UMAD1: variants seen among roughly 807,000 people sequenced by gnomAD.
UMAD1 encodes UBAP1-MVB12-associated (UMA)-domain containing protein 1.
UMAD1 carries 8 observed loss-of-function variants against 6.1 expected under a neutral mutation model. That is an observed-to-expected ratio of 1.30 (90% CI 0.76 to 2.35). The LOEUF (loss-of-function observed/expected upper bound fraction) is 2.35. Among genes scored for constraint, UMAD1 ranks in the 30% most tolerant of loss-of-function variants. The pLI, the probability that UMAD1 is intolerant of heterozygous loss-of-function variation, is 0.00. For missense variants in UMAD1, 130 were observed against 78.4 expected, an observed-to-expected ratio of 1.66 and a Z score of -2.49; for synonymous variants, 56 against 31.4, an observed-to-expected ratio of 1.78 and a Z score of -2.61.
chr7:7,701,182 G>C lies in UMAD1; in HGVS notation c.82+27729G>C, dbSNP rs567030138. 2.6e-5 allele frequency among the ~76,000 whole-genome samples: 4 copies of C among 152,250 alleles called. No homozygotes were observed. In the South Asian group the frequency reaches 8.3e-4, roughly 32 times the overall value. The stretch of plus-strand genomic sequence containing the variant: ...TCTTGTAGAGGAAGATGTGTGAGGA[G>C]GAATGGAATCTATCATACCTATTTA... On this transcript the variant is annotated intron_variant, in intron 2 of 3. Transcript: ENST00000682710.
chr7:7,873,457 G>T (rs1563277571), intron 3 of UMAD1, among the ~76,000 whole-genome samples: 1 of 152,284 alleles, frequency 6.6e-6, no homozygotes, highest in African/African-American at 2.4e-5. Flanking sequence ...AGGATAATTA[G>T]CATGGTGAGT....
chr7:7,678,357 A>T (rs1351488423), intron 2 of UMAD1, among the ~76,000 whole-genome samples: 1 of 149,454 alleles, frequency 6.7e-6, no homozygotes, highest in African/African-American at 2.5e-5. Context: ...ACGTTTTTTT[A>T]ATATGCCTAT....
At chr7:7,691,694 AC>A (rs1171822053) in intron 2 of UMAD1, among the ~76,000 whole-genome samples, 3 of 152,112 alleles carry the variant, frequency 2.0e-5, no homozygotes, top group African/African-American at 7.2e-5. Context: ...CATTTTAGTG[AC>A]CCTTTTTTGT....
chr7:7,723,444 C>T (rs1364994372), intron 2 of UMAD1, among the ~76,000 whole-genome samples: 1 of 152,090 alleles, frequency 6.6e-6, no homozygotes, highest in Non-Finnish European at 1.5e-5. Context: ...CCACTATGAG[C>T]GAGCTGGAAA....
intron 2 of UMAD1, among the ~76,000 whole-genome samples, chr7:7,702,778 C>T (rs1268396538): frequency 5.3e-5 from 8 of 150,574 alleles, no homozygotes; most frequent in Non-Finnish European, 1.2e-4. Flanking sequence ...TGCCAGTGGC[C>T]TGGGTTTTTG....
chr7:7,693,913 G>A (rs1026957231), intron 2 of UMAD1, among the ~76,000 whole-genome samples: 1 of 151,962 alleles, frequency 6.6e-6, no homozygotes, highest in South Asian at 2.1e-4. Context: ...TCTTAAAATG[G>A]CAATTATTAA....
At chr7:7,825,738 A>C (rs1451908621) in intron 3 of UMAD1, among the ~76,000 whole-genome samples, 2 of 152,162 alleles carry the variant, frequency 1.3e-5, no homozygotes, top group South Asian at 4.1e-4. Flanking sequence ...TACAGTACCA[A>C]GGAAAAAGGT....
At chr7:7,655,040 G>A (rs1378245696) in intron 1 of UMAD1, among the ~76,000 whole-genome samples, 1 of 152,080 alleles carries the variant, frequency 6.6e-6, no homozygotes, top group African/African-American at 2.4e-5. Context: ...AGTAATTCTG[G>A]ATTATGTAAT....
At chr7:7,737,611 T>C (rs1781386352) in intron 2 of UMAD1, among the ~76,000 whole-genome samples, 2 of 152,232 alleles carry the variant, frequency 1.3e-5, no homozygotes, top group South Asian at 2.1e-4. Context: ...TGACAGTTTA[T>C]GTATTTTGGG....
chr7:7,841,948 T>A (rs1377456036), intron 3 of UMAD1, among the ~76,000 whole-genome samples: 1 of 152,236 alleles, frequency 6.6e-6, no homozygotes, highest in East Asian at 1.9e-4. Context: ...TGATATGGGA[T>A]GCCATACACT....
intron 1 of UMAD1, among the ~76,000 whole-genome samples, chr7:7,643,609 G>T (rs1785025143): frequency 6.6e-6 from 1 of 152,096 alleles, no homozygotes. Flanking sequence ...CTACTCGGGA[G>T]GCTGAGGCAG....
intron 3 of UMAD1, among the ~76,000 whole-genome samples, chr7:7,850,728 C>T (rs1397985732): frequency 6.7e-6 from 1 of 150,316 alleles, no homozygotes; most frequent in Non-Finnish European, 1.5e-5. Context: ...GATGGAAGAG[C>T]TTGATATTTT....
chr7:7,869,263 G>A (rs997195792), intron 3 of UMAD1, among the ~76,000 whole-genome samples: 1 of 138,286 alleles, frequency 7.2e-6, no homozygotes, highest in African/African-American at 2.7e-5. Flanking sequence ...ACCAGCTGAA[G>A]CCAGAATAGA....
At chr7:7,743,949 A>T (rs1396491767) in intron 2 of UMAD1, among the ~76,000 whole-genome samples, 1 of 152,100 alleles carries the variant, frequency 6.6e-6, no homozygotes, top group Admixed American at 6.5e-5. Flanking sequence ...CATAACATTA[A>T]CGTAAAGTGT....
chr7:7,874,510 T>A (rs1784382299), intron 3 of UMAD1, among the ~76,000 whole-genome samples: 1 of 152,188 alleles, frequency 6.6e-6, no homozygotes, highest in Non-Finnish European at 1.5e-5. Context: ...ACTGTATGAT[T>A]GCATTCATTT....
chr7:7,725,808 C>A (rs1387237224), intron 2 of UMAD1, among the ~76,000 whole-genome samples: 1 of 152,168 alleles, frequency 6.6e-6, no homozygotes, highest in Non-Finnish European at 1.5e-5. Context: ...GCACCAATGG[C>A]CTTTTGGGGA....
chr7:7,830,122 A>G lies in UMAD1; in HGVS notation c.156+28379A>G, dbSNP rs572668750. ...CCCACCTCTCCCTCAAAAATCTACT[A>G]TGTTATTTGTTCCTTAAGAGGCATT... On this transcript the variant is annotated intron_variant, in intron 3 of 3. Transcript: ENST00000682710. This position sits in a 1 kb window ranked among gnomAD's most constrained non-coding sequence, Gnocchi z 5.3. Among the ~76,000 whole-genome samples, 1 of 152,226 alleles carries G rather than the reference A, an allele frequency of 6.6e-6. No homozygotes were observed. Among genetic ancestry groups the G allele is most frequent in the Admixed American group, 6.5e-5 (1 of 15,282 alleles).
intron 1 of UMAD1, among the ~76,000 whole-genome samples, chr7:7,656,532 G>A (rs1412283029): frequency 1.3e-5 from 2 of 152,032 alleles, no homozygotes; most frequent in Non-Finnish European, 2.9e-5. Flanking sequence ...TGTTCTCATT[G>A]CTCAACTCCC....
intron 2 of UMAD1, among the ~76,000 whole-genome samples, chr7:7,698,544 T>C (rs12532905): frequency 8.5e-5 from 13 of 152,156 alleles, no homozygotes; most frequent in Admixed American, 8.5e-4. Context: ...TGTCTAAATG[T>C]TTTTTTCTTT....
Sources: allele counts gnomAD v4.1 joint callset (sites outside exome capture counted in the v4.1 genomes callset), GRCh38; gene constraint gnomAD v4.1.1; non-coding constraint Gnocchi (gnomAD v3.1); transcripts MANE v1.5; gene names NCBI Gene and HGNC (gene_info 2026-07-23, HGNC 2026-07-21).